The following EZH1 variants were observed in gnomAD, a reference collection of about 807,000 sequenced individuals.
EZH1 encodes the protein enhancer of zeste 1 polycomb repressive complex 2 subunit.
EZH1 carries 33 observed loss-of-function variants against 100.5 expected under a neutral mutation model. That is an observed-to-expected ratio of 0.33 (90% CI 0.25 to 0.44). EZH1 has a LOEUF of 0.44. Ranked by LOEUF, EZH1 falls within the 20% of genes least tolerant of loss-of-function variation. The probability of loss-of-function intolerance (pLI) is 1.00; values close to 1 mark genes in which losing one functional copy is unlikely to be tolerated. For synonymous variants in EZH1, 272 were observed against 313.8 expected (o/e 0.87, Z 1.41); for missense variants, 475 against 928.4 (o/e 0.51, Z 6.35).
chr17:42,716,087 T>C (rs2053599925), intron 10 of EZH1, among the ~76,000 whole-genome samples: 1 of 150,860 alleles, frequency 6.6e-6, no homozygotes, highest in Non-Finnish European at 1.5e-5. Flanking sequence ...AAATATGATG[T>C]CTGACTGGAT....
At position 42,715,546 on chromosome 17, in the gene EZH1, T is replaced by C. The variant is rs573897913; in HGVS notation, c.1024-2157A>G. ...ACAGGCGTGAGCCACCATTTTAATA[T>C]AATGGCCAAACATTTTAACATAAAT... On this transcript the variant is annotated intron_variant, in intron 10 of 20. Coordinates refer to ENST00000428826, the MANE Select transcript of EZH1 (RefSeq NM_001991.5). Among the ~76,000 whole-genome samples, 3 of 152,040 alleles carry C rather than the reference T, an allele frequency of 2.0e-5. No individual in the cohort carries two copies. The East Asian group carries it at 5.8e-4, about 29-fold the overall frequency.
intron 4 of EZH1, among the ~76,000 whole-genome samples, chr17:42,725,212 G>A (rs1281622729): frequency 1.3e-5 from 2 of 151,584 alleles, no homozygotes; most frequent in Non-Finnish European, 1.5e-5. Flanking sequence ...TAAATTCAGA[G>A]TTTTGTAACA....
intron 1 of EZH1, among the ~76,000 whole-genome samples, chr17:42,741,713 G>C (rs769247322): frequency 3.3e-5 from 5 of 152,120 alleles, no homozygotes; most frequent in Non-Finnish European, 7.3e-5. Flanking sequence ...TTTTGAGACA[G>C]GGTCTTGCTC....
chr17:42,727,496 G>A (rs2053843673), intron 4 of EZH1, 139 bp downstream of exon 4: 1 of 1,017,200 alleles, frequency 9.8e-7, no homozygotes, highest in Non-Finnish European at 1.4e-6. Context: ...TCCCACCTCA[G>A]CCTCCCAAAT....
intron 1 of EZH1, among the ~76,000 whole-genome samples, chr17:42,731,261 G>T (rs531484893): frequency 6.6e-6 from 1 of 152,070 alleles, no homozygotes; most frequent in African/African-American, 2.4e-5. Context: ...GGGACTATAG[G>T]CGCGCACCAC....
At chr17:42,703,477 C>T (rs1666163555) in intron 19 of EZH1, 1 of 448,406 alleles carries the variant, frequency 2.2e-6, no homozygotes, top group Non-Finnish European at 4.0e-6. Flanking sequence ...CACACCCAGC[C>T]TATTATTATT....
At chr17:42,733,221 C>T (rs1160042585) in intron 1 of EZH1, among the ~76,000 whole-genome samples, 1 of 151,096 alleles carries the variant, frequency 6.6e-6, no homozygotes, top group Non-Finnish European at 1.5e-5. Flanking sequence ...CCTATAATCC[C>T]AGCTACTCTG....
intron 1 of EZH1, among the ~76,000 whole-genome samples, chr17:42,744,701 C>T (rs546792827): frequency 2.0e-5 from 3 of 152,150 alleles, no homozygotes; most frequent in African/African-American, 7.2e-5. Context: ...GGGGCTCCCG[C>T]CCACCGGCCC....
intron 14 of EZH1, among the ~76,000 whole-genome samples, chr17:42,708,498 T>C (rs1165635148): frequency 6.6e-6 from 1 of 151,808 alleles, no homozygotes; most frequent in African/African-American, 2.4e-5. Context: ...CTACTAAAAA[T>C]ACAAAAATTA....
chr17:42,727,529 C>T (rs1239138401), intron 4 of EZH1, 106 bp downstream of exon 4: 2 of 1,349,490 alleles, frequency 1.5e-6, no homozygotes, highest in Non-Finnish European at 2.0e-6. Context: ...TTGTGTGAGC[C>T]ACCATACCTT....
chr17:42,713,543 G>T (rs1283202631), intron 10 of EZH1, among the ~76,000 whole-genome samples, 154 bp from the exon 11 acceptor site: 1 of 152,172 alleles, frequency 6.6e-6, no homozygotes, highest in East Asian at 1.9e-4. Context: ...ATATAACAAT[G>T]AGAGCTGCTT....
At chr17:42,736,014 A>G (rs1312412610) in intron 1 of EZH1, among the ~76,000 whole-genome samples, 1 of 152,202 alleles carries the variant, frequency 6.6e-6, no homozygotes, top group Admixed American at 6.6e-5. Context: ...TTGAACAGCT[A>G]TGTCACCAGA....
intron 19 of EZH1, 88 bp from the exon 20 acceptor site, chr17:42,703,049 C>G: frequency 7.8e-7 from 1 of 1,274,610 alleles, no homozygotes. Flanking sequence ...CTCCAAATTC[C>G]CAGTGAAAAC....
intron 12 of EZH1, among the ~76,000 whole-genome samples, chr17:42,711,567 T>C (rs534337840): frequency 9.3e-4 from 140 of 151,016 alleles, no homozygotes; most frequent in African/African-American, 3.2e-3. Flanking sequence ...CACTTGAACT[T>C]GGGAGGCGGA....
chr17:42,718,168 A>G lies in EZH1; in HGVS notation c.932-101T>C. On this transcript the variant is annotated intron_variant, in intron 9 of 20. Coordinates refer to ENST00000428826, the MANE Select transcript of EZH1 (RefSeq NM_001991.5). This position sits in a 1 kb window ranked among gnomAD's most constrained non-coding sequence, Gnocchi z 4.2. The stretch of plus-strand genomic sequence containing the variant: ...GAGCTATTGTAGGAGTTAGAATTCG[A>G]TATAAACGGCTACCATCAGGGTGCA... 1 of 1,095,180 alleles carries G rather than the reference A, an allele frequency of 9.1e-7. No homozygotes were observed. The highest frequency in any genetic ancestry group is 1.4e-5 in the South Asian group (1 of 72,244). The allele number at this position is 1,095,180 out of a possible 1,614,324, so 67.8% of individuals were successfully genotyped here. A position where few individuals can be genotyped will look rare whatever the true frequency, so the allele number is the denominator to read the frequency against.
intron 1 of EZH1, among the ~76,000 whole-genome samples, chr17:42,737,353 C>A (rs1022770499): frequency 6.6e-6 from 1 of 152,216 alleles, no homozygotes; most frequent in African/African-American, 2.4e-5. Context: ...GAAATTCCAA[C>A]ACTTTTGGAG....
At chr17:42,712,981 T>C (rs938184535) in intron 11 of EZH1, among the ~76,000 whole-genome samples, 1 of 128,608 alleles carries the variant, frequency 7.8e-6, no homozygotes, top group African/African-American at 3.0e-5. Flanking sequence ...GAGGTTGCAG[T>C]GAGCCAAGAT....
intron 16 of EZH1, 153 bp downstream of exon 16, chr17:42,705,854 C>G (rs2053342790): frequency 2.3e-6 from 2 of 859,582 alleles, no homozygotes; most frequent in Admixed American, 6.5e-5. Flanking sequence ...GGACTGAAGC[C>G]TTTATTAATT....
intron 1 of EZH1, among the ~76,000 whole-genome samples, chr17:42,736,572 C>T (rs890665306): frequency 2.0e-5 from 3 of 152,170 alleles, no homozygotes; most frequent in Non-Finnish European, 2.9e-5. Context: ...CAGTGGCTCA[C>T]GCCTGTAATC....
Sources: allele counts gnomAD v4.1 joint callset (sites outside exome capture counted in the v4.1 genomes callset), GRCh38; gene constraint gnomAD v4.1.1; non-coding constraint Gnocchi (gnomAD v3.1); transcripts MANE v1.5; gene names NCBI Gene and HGNC (gene_info 2026-07-23, HGNC 2026-07-21).